Variants in ITPK1 observed in about 807,000 individuals in gnomAD.
ITPK1 encodes the protein inositol 1,3,4-trisphosphate 5/6-kinase.
In ITPK1, 21 loss-of-function variants were observed where a neutral mutation model predicts 45.3. The ratio of observed to expected loss-of-function variants is 0.46; its 90% confidence interval spans 0.33 to 0.67. ITPK1 has a LOEUF of 0.67. Ranked by LOEUF, ITPK1 falls within the 30% of genes least tolerant of loss-of-function variation. The pLI is 0.02. For synonymous variants in ITPK1, 258 were observed against 253.6 expected (o/e 1.02, Z -0.16); for missense variants, 474 against 573.5 (o/e 0.83, Z 1.77).
chr14:92,963,185 G>A (rs886180133), intron 5 of ITPK1, among the ~76,000 whole-genome samples: 2 of 152,142 alleles, frequency 1.3e-5, no homozygotes, highest in Non-Finnish European at 2.9e-5. Flanking sequence ...ACATTTACAC[G>A]CAGAGAGCTG....
chr14:93,083,918 G>A (rs1891546148), intron 2 of ITPK1, among the ~76,000 whole-genome samples: 1 of 152,154 alleles, frequency 6.6e-6, no homozygotes, highest in South Asian at 2.1e-4. Context: ...CCATTGCACT[G>A]ACCCCACCAG....
At chr14:92,970,907 T>C (rs1885616788) in intron 5 of ITPK1, among the ~76,000 whole-genome samples, 1 of 152,162 alleles carries the variant, frequency 6.6e-6, no homozygotes, top group African/African-American at 2.4e-5. Flanking sequence ...AGTGCTGGGA[T>C]TACAGGCATG....
intron 3 of ITPK1, among the ~76,000 whole-genome samples, chr14:93,024,546 G>A (rs1381818492): frequency 6.6e-6 from 1 of 152,204 alleles, no homozygotes; most frequent in Non-Finnish European, 1.5e-5. Context: ...ACATGAGGCT[G>A]GATGTTCTCT....
intron 3 of ITPK1, among the ~76,000 whole-genome samples, chr14:93,057,323 G>A (rs1207921624): frequency 3.3e-5 from 5 of 152,150 alleles, no homozygotes; most frequent in Non-Finnish European, 7.3e-5. Flanking sequence ...GTGTTCTCTC[G>A]AAATCTGTCC....
intron 2 of ITPK1, among the ~76,000 whole-genome samples, chr14:93,102,035 G>A (rs1892340521): frequency 6.6e-6 from 1 of 152,216 alleles, no homozygotes; most frequent in Non-Finnish European, 1.5e-5. Flanking sequence ...ACAATGCAGG[G>A]CAGGGTGACT....
rs1184207383 is a variant in ITPK1, at chr14:92,962,374, T to C, written c.485A>G (p.His162Arg). The change falls in exon 7 of 11, where the codon CAT becomes CGT. Residue 162 changes from histidine to arginine, a missense_variant. By Grantham distance (29) the His-to-Arg change is conservative. Around this residue, in one of 2 missense-constraint regions of ITPK1, gnomAD observed 367 missense variants for 480.6 expected, o/e 0.76. Transcript: ENST00000267615. ...FPFICKTRVA[H>R]GTNSHEMAIV... ...ACTCACCTCGTGAGAGTTGGTGCCA[T>C]GAGCCACTCTGGTTTTGCAAACTAT... The C allele has an allele frequency of 1.2e-6, 2 of 1,611,224 alleles. No individual in the cohort carries two copies. The highest frequency in any genetic ancestry group is 8.5e-7 in the Non-Finnish European group (1 of 1,177,336).
intron 3 of ITPK1, among the ~76,000 whole-genome samples, chr14:93,028,386 C>G (rs1888856153): frequency 1.3e-5 from 2 of 152,354 alleles, no homozygotes; most frequent in African/African-American, 4.8e-5. Flanking sequence ...CACCTTCGCT[C>G]AGCCTGTTGA....
At chr14:93,107,138 A>C (rs2140033509) in intron 2 of ITPK1, among the ~76,000 whole-genome samples, 1 of 152,124 alleles carries the variant, frequency 6.6e-6, no homozygotes, top group East Asian at 1.9e-4. Flanking sequence ...TTGTATTTTT[A>C]GTAGAGATAG....
rs577055330 is a variant in ITPK1, at chr14:93,007,077, G to A, written c.246+9599C>T. On this transcript the variant is annotated intron_variant, in intron 4 of 10. Transcript: ENST00000267615. ...ATTTCCACGCAGATGGAGCTGGAAG[G>A]GGTCGGTCATCTGGCCCACTGTCAC... Among the ~76,000 whole-genome samples, 6 of 147,768 alleles carry A rather than the reference G, an allele frequency of 4.1e-5. No homozygotes were observed. In the East Asian group the frequency reaches 1.2e-3, roughly 29 times the overall value.
chr14:93,095,237 C>T (rs115543997), intron 2 of ITPK1, among the ~76,000 whole-genome samples: 1,767 of 152,282 alleles, frequency 0.012, 44 homozygotes, highest in African/African-American at 0.04. Context: ...TTGGGGCCTA[C>T]GATGAGTTAT....
In ITPK1 at chr14:92,943,157, C is replaced by T. The variant is rs1399501011; in HGVS notation, c.902-1253G>A. ...CCGAGCTGGCACTGTGCGAGCGTCC[C>T]GCAACATCCTCTCGCCTAATCTTCA... On this transcript the variant is annotated intron_variant, in intron 10 of 10. Transcript: ENST00000267615. Among the ~76,000 whole-genome samples, 9 of 152,364 alleles carry T rather than the reference C, an allele frequency of 5.9e-5. 1 individual carries two copies. The highest frequency in any genetic ancestry group is 1.4e-4 in the African/African-American group (6 of 41,596).
chr14:93,103,150 C>T lies in ITPK1; in HGVS notation c.95+11919G>A, dbSNP rs560215629. On this transcript the variant is annotated intron_variant, in intron 2 of 10. Coordinates refer to ENST00000267615, the MANE Select transcript of ITPK1 (RefSeq NM_014216.6). ...AGAAAGAAAAAAAGAAAAATAGGGC[C>T]GGGCATGGTGGCTTACGCCTGTAAT... is the stretch of plus-strand genomic sequence containing the variant. Among the ~76,000 whole-genome samples the T allele has an allele frequency of 4.7e-3, 687 of 144,658 alleles. 5 individuals are homozygous for T. The highest frequency in any genetic ancestry group is 0.015 in the Middle Eastern group (3 of 204). 94.9% of individuals were successfully genotyped at this position (144,658 alleles called of 152,430 possible).
intron 3 of ITPK1, among the ~76,000 whole-genome samples, chr14:93,048,411 CA>C (rs1192554912): frequency 6.6e-6 from 1 of 152,198 alleles, no homozygotes; most frequent in Non-Finnish European, 1.5e-5. Context: ...TGGCTTTAAT[CA>C]TAAGGACGGA....
rs772909024 is a variant in ITPK1, at chr14:93,115,152, A to C, written c.12T>G (p.Phe4Leu). The C allele has an allele frequency of 6.2e-7, 1 of 1,604,942 alleles. No individual in the cohort carries two copies. The highest frequency in any genetic ancestry group is 1.1e-5 in the South Asian group (1 of 90,102). The change falls in exon 2 of 11, where the codon TTT (phenylalanine) becomes TTG (leucine). Residue 4 changes from phenylalanine to leucine, a missense_variant. This residue lies in a region of ITPK1 where 367 missense variants were observed against 480.6 expected (regional missense o/e 0.76). Transcript: ENST00000267615. The stretch of plus-strand genomic sequence containing the variant: ...AGTAGCCAACTCTCTTCCCTTTCAG[A>C]AAGGTCTGCATCTTCCTCCTCGGGC... Reference protein sequence around the residue: MQTFLKGKRVGYWL... With the variant: MQTLLKGKRVGYWL...
chr14:93,001,236 G>T (rs192702678), intron 4 of ITPK1, among the ~76,000 whole-genome samples: 33 of 152,288 alleles, frequency 2.2e-4, no homozygotes, highest in African/African-American at 7.7e-4. Context: ...GAGGTTGCAT[G>T]AGCTGAGATT....
chr14:93,087,013 T>G (rs892494206), intron 2 of ITPK1, among the ~76,000 whole-genome samples: 3 of 152,232 alleles, frequency 2.0e-5, no homozygotes, highest in African/African-American at 7.2e-5. Flanking sequence ...AGTCACAGAT[T>G]CACCCACAAG....
chr14:92,949,986 G>A (rs912960537), intron 9 of ITPK1, among the ~76,000 whole-genome samples: 17 of 152,166 alleles, frequency 1.1e-4, no homozygotes, highest in African/African-American at 4.1e-4. Context: ...ACTGCGGTGG[G>A]TGCTTCTCAC....
At chr14:92,988,301 C>T (rs1206446503) in intron 5 of ITPK1, among the ~76,000 whole-genome samples, 1 of 152,194 alleles carries the variant, frequency 6.6e-6, no homozygotes, top group Non-Finnish European at 1.5e-5. Flanking sequence ...TCGCTCTGCC[C>T]GATCTGGGGT....
At chr14:92,985,755 G>A (rs1886458128) in intron 5 of ITPK1, among the ~76,000 whole-genome samples, 1 of 152,038 alleles carries the variant, frequency 6.6e-6, no homozygotes, top group South Asian at 2.1e-4. Context: ...CTAAATGCAA[G>A]TTGAGAAACA....
Sources: allele counts gnomAD v4.1 joint callset (sites outside exome capture counted in the v4.1 genomes callset), GRCh38; gene constraint gnomAD v4.1.1; regional missense constraint gnomAD v4.1.1; transcripts MANE v1.5; gene names NCBI Gene and HGNC (gene_info 2026-07-23, HGNC 2026-07-21).